Variants in CYP2C18 observed in about 807,000 individuals in gnomAD.
The protein encoded by CYP2C18 is cytochrome P450 family 2 subfamily C member 18, also known as cytochrome P450 2C18.
In CYP2C18, 38 loss-of-function variants were observed where a neutral mutation model predicts 41.3. The observed-to-expected ratio is 0.92, with a 90% confidence interval of 0.71 to 1.21. The LOEUF is 1.21. Ranked by LOEUF, CYP2C18 falls within the 50% of genes most tolerant of loss-of-function variation. The pLI is 0.00. For missense variants in CYP2C18, 635 were observed against 591.4 expected, an observed-to-expected ratio of 1.07 and a Z score of -0.77; for synonymous variants, 236 against 210.0, an observed-to-expected ratio of 1.12 and a Z score of -1.07.
intron 7 of CYP2C18, among the ~76,000 whole-genome samples, chr10:94,730,259 A>G (rs1394168252): frequency 2.0e-5 from 3 of 152,262 alleles, no homozygotes; most frequent in South Asian, 4.1e-4. Flanking sequence ...AATATACAAG[A>G]TATTATGTAA....
chr10:94,730,110 A>T (rs1362380876), intron 7 of CYP2C18, among the ~76,000 whole-genome samples: 1 of 152,128 alleles, frequency 6.6e-6, no homozygotes, highest in African/African-American at 2.4e-5. Flanking sequence ...TTTCTCTTCT[A>T]TGATGTTCCT....
chr10:94,708,197 G>A (rs948103368), intron 5 of CYP2C18, among the ~76,000 whole-genome samples: 11 of 152,180 alleles, frequency 7.2e-5, no homozygotes, highest in African/African-American at 1.7e-4. Flanking sequence ...AGGACTGCTC[G>A]AATAATGTGT....
intron 3 of CYP2C18, among the ~76,000 whole-genome samples, chr10:94,688,727 C>T (rs1032612223): frequency 1.3e-5 from 2 of 152,102 alleles, no homozygotes; most frequent in African/African-American, 4.8e-5. Context: ...TATTGTGTCC[C>T]AGGCTTGGTT....
At chr10:94,726,129 A>G (rs1847736216) in intron 7 of CYP2C18, among the ~76,000 whole-genome samples, 1 of 152,170 alleles carries the variant, frequency 6.6e-6, no homozygotes. Context: ...TGCTAGGCAG[A>G]CAGAATTATG....
At chr10:94,711,016 G>A (rs1035368708) in intron 5 of CYP2C18, among the ~76,000 whole-genome samples, 2 of 152,120 alleles carry the variant, frequency 1.3e-5, no homozygotes, top group Admixed American at 6.6e-5. Context: ...GCCTTGTGAA[G>A]TGCTTTGTTC....
At chr10:94,733,486 T>C in intron 8 of CYP2C18, 48 bp downstream of exon 8, 1 of 1,606,366 alleles carries the variant, frequency 6.2e-7, no homozygotes, top group Non-Finnish European at 8.5e-7. Context: ...ATGATACCTT[T>C]TTGGGATCAG....
intron 3 of CYP2C18, 145 bp from the exon 4 acceptor site, chr10:94,694,772 T>C: frequency 1.2e-6 from 1 of 865,322 alleles, no homozygotes; most frequent in Non-Finnish European, 1.7e-6. Context: ...GGTATTAAAT[T>C]TCAATATGCT....
At chr10:94,726,522 A>T (rs1269836778) in intron 7 of CYP2C18, among the ~76,000 whole-genome samples, 1 of 152,148 alleles carries the variant, frequency 6.6e-6, no homozygotes, top group Non-Finnish European at 1.5e-5. Context: ...ACATGAAGTC[A>T]TCATTTTTTA....
At chr10:94,734,249 T>C (rs1356189387) in intron 8 of CYP2C18, among the ~76,000 whole-genome samples, 1 of 152,122 alleles carries the variant, frequency 6.6e-6, no homozygotes, top group African/African-American at 2.4e-5. Flanking sequence ...CTCATGATCA[T>C]ACATCTTGGA....
intron 5 of CYP2C18, among the ~76,000 whole-genome samples, chr10:94,714,886 T>C (rs977232581): frequency 2.0e-5 from 3 of 152,206 alleles, no homozygotes; most frequent in Non-Finnish European, 2.9e-5. Flanking sequence ...CTTGAAGAGG[T>C]CCTTCATATC....
chr10:94,695,164 TTAAGTTCTGGGA>T, intron 4 of CYP2C18, 87 bp downstream of exon 4: 1 of 1,244,272 alleles, frequency 8.0e-7, no homozygotes, highest in Non-Finnish European at 1.1e-6. Context: ...AAATTATACT[TTAAGTTCTGGGA>T]TATGTGTGCA....
chr10:94,717,694 C>T (rs1847576611), intron 5 of CYP2C18, among the ~76,000 whole-genome samples: 1 of 152,066 alleles, frequency 6.6e-6, no homozygotes. Flanking sequence ...CCAGTTTTCT[C>T]ACCATTTATT....
intron 7 of CYP2C18, among the ~76,000 whole-genome samples, chr10:94,731,843 A>C (rs1847838165): frequency 1.3e-5 from 2 of 152,206 alleles, no homozygotes; most frequent in Non-Finnish European, 2.9e-5. Context: ...TAAATGTAAG[A>C]CATCAAACTA....
chr10:94,721,675 T>C (rs763689259), intron 6 of CYP2C18, among the ~76,000 whole-genome samples: 2 of 152,266 alleles, frequency 1.3e-5, no homozygotes, highest in African/African-American at 4.8e-5. Context: ...TGTGTACCCA[T>C]TGTTTAGCTC....
intron 4 of CYP2C18, among the ~76,000 whole-genome samples, chr10:94,702,765 G>T (rs992629724): frequency 1.3e-5 from 2 of 151,998 alleles, no homozygotes; most frequent in Non-Finnish European, 2.9e-5. Context: ...ATCCAGTTTT[G>T]TTCCCTTGCT....
chr10:94,722,148 G>A (rs1847657316), intron 6 of CYP2C18, among the ~76,000 whole-genome samples: 1 of 152,044 alleles, frequency 6.6e-6, no homozygotes, highest in African/African-American at 2.4e-5. Flanking sequence ...TGTATAGTCT[G>A]GGAAGTATTT....
chr10:94,716,857 G>A (rs905284737), intron 5 of CYP2C18, among the ~76,000 whole-genome samples: 1 of 152,158 alleles, frequency 6.6e-6, no homozygotes, highest in African/African-American at 2.4e-5. Flanking sequence ...TTATGAATCT[G>A]GGTGCTCCTG....
Position 94,687,785 on chromosome 10 carries a change from G to A in CYP2C18, c.184G>A (p.Gly62Ser). 2 of 1,612,906 alleles carry A rather than the reference G, an allele frequency of 1.2e-6. No homozygotes were observed. Among genetic ancestry groups the A allele is most frequent in the African/African-American group, 2.7e-5 (2 of 74,958 alleles). The change falls in exon 2 of 9, where the codon GGC becomes AGC. Residue 62 changes from glycine to serine, a missense_variant. By Grantham distance (56) the Gly-to-Ser change is moderately conservative (BLOSUM62 0). Coordinates refer to ENST00000285979, the MANE Select transcript of CYP2C18 (RefSeq NM_000772.3). The part of the protein sequence containing the change: ...KSLTNFSKVY[G>S]PVFTVYFGLK... ...CTATGTTTAGTTCTCAAAAGTCTAT[G>A]GCCCTGTGTTCACTGTGTATTTTGG...
In CYP2C18 at chr10:94,706,673, C is replaced by G. The variant is rs1244301568; in HGVS notation, c.643-111C>G. 1.2e-5 allele frequency: 7 copies of G among 601,970 alleles called. No homozygotes were observed. The Admixed American group carries it at 2.1e-4, about 18-fold the overall frequency. The allele number at this position is 601,970 out of a possible 1,614,324, so 37.3% of individuals were successfully genotyped here. On this transcript the variant is annotated intron_variant, in intron 4 of 8. Transcript: ENST00000285979. Reference sequence around the variant, plus strand: ...TACGTATAATCAAATGCTCCTCTTACAGAGGGAGATAATTTTTAAAAATTC... The same window carrying G: ...TACGTATAATCAAATGCTCCTCTTAGAGAGGGAGATAATTTTTAAAAATTC...
Sources: gnomAD v4.1 joint callset for allele counts (sites outside exome capture counted in the v4.1 genomes callset) on GRCh38, gnomAD v4.1.1 for gene constraint, MANE v1.5 for transcripts, NCBI Gene and HGNC (gene_info 2026-07-23, HGNC 2026-07-21) for gene names.